Variants in TUBGCP3 observed in about 807,000 individuals in gnomAD.
TUBGCP3 encodes the protein tubulin gamma complex component 3, also known as gamma-tubulin complex component 3.
In TUBGCP3, 50 loss-of-function variants were observed where a neutral mutation model predicts 123.1. That is an observed-to-expected ratio of 0.41 (90% confidence interval 0.32 to 0.51). The LOEUF (loss-of-function observed/expected upper bound fraction) is 0.51. Ranked by LOEUF, TUBGCP3 falls within the 20% of genes least tolerant of loss-of-function variation. The pLI is 0.36. For synonymous variants in TUBGCP3, 405 were observed against 413.9 expected (o/e 0.98, Z 0.26); for missense variants, 882 against 1,127.0 (o/e 0.78, Z 3.11).
chr13:112,532,785 T>G (rs185236032), intron 11 of TUBGCP3, among the ~76,000 whole-genome samples: 4 of 151,306 alleles, frequency 2.6e-5, no homozygotes, highest in African/African-American at 9.9e-5. Context: ...CAAACTCTTA[T>G]AGCCTTCTAC....
chr13:112,509,326 G>A (rs746764002), intron 17 of TUBGCP3, among the ~76,000 whole-genome samples: 1 of 152,212 alleles, frequency 6.6e-6, no homozygotes, highest in Non-Finnish European at 1.5e-5. Flanking sequence ...ACAGGGAGCT[G>A]GTTTGTCACC....
intron 11 of TUBGCP3, among the ~76,000 whole-genome samples, chr13:112,541,684 T>G (rs1878530394): frequency 6.6e-6 from 1 of 152,220 alleles, no homozygotes; most frequent in Non-Finnish European, 1.5e-5. Flanking sequence ...AATTAGGTAC[T>G]AAAGTCAAAA....
intron 18 of TUBGCP3, 44 bp from the exon 19 acceptor site, chr13:112,504,207 T>TC (rs1486907528): frequency 1.2e-6 from 2 of 1,612,530 alleles, no homozygotes; most frequent in Non-Finnish European, 1.7e-6. Context: ...CTCATGTCCT[T>TC]CCTAGTGTAG....
At chr13:112,559,009 T>C (rs1428735052) in intron 4 of TUBGCP3, among the ~76,000 whole-genome samples, 2 of 152,202 alleles carry the variant, frequency 1.3e-5, no homozygotes, top group South Asian at 2.1e-4. Context: ...GGTCTTCTAG[T>C]TCATAAAGAA....
intron 8 of TUBGCP3, among the ~76,000 whole-genome samples, chr13:112,553,079 AC>A (rs1245867576): frequency 1.9e-5 from 2 of 107,142 alleles, no homozygotes; most frequent in African/African-American, 3.7e-5. Context: ...CCACGTTCTT[AC>A]CCACCAGCCA....
chr13:112,566,731 CAATAA>C, intron 2 of TUBGCP3, among the ~76,000 whole-genome samples: 1 of 152,226 alleles, frequency 6.6e-6, no homozygotes, highest in South Asian at 2.1e-4. Context: ...AGTCACAGCA[CAATAA>C]AATAAGAATA....
chr13:112,595,522 G>A, the TUBGCP3 span, among the ~76,000 whole-genome samples: 6 of 152,072 alleles, frequency 3.9e-5, no homozygotes, highest in Non-Finnish European at 7.4e-5. Context: ...CAGCTCTGTC[G>A]TTTAGTGTAT....
At chr13:112,550,291 T>C (rs545119382) in intron 8 of TUBGCP3, among the ~76,000 whole-genome samples, 1 of 152,340 alleles carries the variant, frequency 6.6e-6, no homozygotes, top group East Asian at 1.9e-4. Context: ...TAAGTAAATA[T>C]GTAGGTTGCA....
At position 112,485,967 on chromosome 13, in the gene TUBGCP3, G is replaced by A. The variant is rs571328853; in HGVS notation, c.*26C>T. 28 of 1,495,514 alleles carry A rather than the reference G, an allele frequency of 1.9e-5. No individual in the cohort carries two copies. In the African/African-American group the frequency reaches 2.1e-4, roughly 11 times the overall value. The allele number at this position is 1,495,514 out of a possible 1,614,324, so 92.6% of individuals were successfully genotyped here. A position where few individuals can be genotyped will look rare whatever the true frequency, so the allele number is the denominator to read the frequency against. On this transcript the variant is annotated 3_prime_UTR_variant, in exon 22 of 22. Coordinates refer to ENST00000261965, the MANE Select transcript of TUBGCP3 (RefSeq NM_006322.6). ...TCTAGCAGTGCAACGAACATCACCC[G>A]CAGCTCCCTGGGAGGACCGCGAGCT...
chr13:112,591,806 T>A (rs529309999), upstream of TUBGCP3, among the ~76,000 whole-genome samples: 1 of 152,368 alleles, frequency 6.6e-6, no homozygotes, highest in East Asian at 1.9e-4. Flanking sequence ...ATGCTGGTAC[T>A]ACACCAGCTG....
At chr13:112,561,234 A>G (rs959826647) in intron 3 of TUBGCP3, among the ~76,000 whole-genome samples, 17 of 152,230 alleles carry the variant, frequency 1.1e-4, no homozygotes, top group African/African-American at 3.6e-4. Context: ...GTGTGTGCTC[A>G]GGCATGTGTC....
chr13:112,538,020 T>C (rs1878209573), intron 11 of TUBGCP3, among the ~76,000 whole-genome samples: 1 of 152,248 alleles, frequency 6.6e-6, no homozygotes, highest in Non-Finnish European at 1.5e-5. Flanking sequence ...CCCCACCTTG[T>C]GGCCTCCACA....
chr13:112,605,404 A>T, the TUBGCP3 span: 4 of 152,150 alleles, frequency 2.6e-5, no homozygotes, highest in Non-Finnish European at 5.9e-5. Flanking sequence ...TGGAGTAGAC[A>T]ATCACACAGG....
At chr13:112,488,929 C>A (rs1879874255) in intron 21 of TUBGCP3, among the ~76,000 whole-genome samples, 1 of 128,894 alleles carries the variant, frequency 7.8e-6, no homozygotes, top group African/African-American at 3.0e-5. Flanking sequence ...CACAGGGGAG[C>A]ACAGGGGTCA....
intron 3 of TUBGCP3, among the ~76,000 whole-genome samples, chr13:112,561,158 C>T (rs1190861343): frequency 6.6e-6 from 1 of 152,206 alleles, no homozygotes; most frequent in African/African-American, 2.4e-5. Flanking sequence ...GAGGGGACAA[C>T]ATGAGAGGAA....
intron 1 of TUBGCP3, among the ~76,000 whole-genome samples, chr13:112,578,012 G>T (rs13379025): frequency 6.6e-6 from 1 of 151,982 alleles, no homozygotes; most frequent in Non-Finnish European, 1.5e-5. Context: ...CTGAGGCAGG[G>T]CTTGCATGTC....
chr13:112,542,418 C>T (rs1346158010), intron 11 of TUBGCP3, among the ~76,000 whole-genome samples: 1 of 152,152 alleles, frequency 6.6e-6, no homozygotes, highest in Non-Finnish European at 1.5e-5. Flanking sequence ...AGGAAACGCC[C>T]ATTACCTACA....
intron 1 of TUBGCP3, among the ~76,000 whole-genome samples, chr13:112,572,313 C>A (rs9550151): frequency 0.16 from 23,973 of 152,140 alleles, 2,150 homozygotes; most frequent in Non-Finnish European, 0.21. Context: ...GCAGAACGTG[C>A]AGGTTTGTTA....
chr13:112,565,700 C>T (rs1050373728), intron 2 of TUBGCP3, among the ~76,000 whole-genome samples: 2 of 152,156 alleles, frequency 1.3e-5, no homozygotes, highest in Non-Finnish European at 2.9e-5. Context: ...TTTGGGAGAC[C>T]GAGGCAGGTG....
Sources: allele counts gnomAD v4.1 joint callset (sites outside exome capture counted in the v4.1 genomes callset), GRCh38; gene constraint gnomAD v4.1.1; transcripts MANE v1.5; gene names NCBI Gene and HGNC (gene_info 2026-07-23, HGNC 2026-07-21).